Variants in LDB3 observed in about 807,000 individuals in gnomAD.
LDB3 encodes the protein LIM domain binding 3.
LDB3 carries 49 observed loss-of-function variants against 69.0 expected under a neutral mutation model. That is an observed-to-expected ratio of 0.71 (90% confidence interval 0.56 to 0.90). The LOEUF is 0.90. LDB3 is among the 40% of genes least tolerant of loss of function. The pLI is 0.00. For missense variants in LDB3, 928 were observed against 974.1 expected (o/e 0.95, Z 0.63); for synonymous variants, 387 against 396.2 (o/e 0.98, Z 0.28).
intron 11 of LDB3, 79 bp downstream of exon 11, chr10:86,718,223 A>G: frequency 7.2e-7 from 1 of 1,394,590 alleles, no homozygotes; most frequent in Non-Finnish European, 1.0e-6. Flanking sequence ...CCCATTAGGA[A>G]GCCAAGAAGT....
intron 8 of LDB3, among the ~76,000 whole-genome samples, chr10:86,707,633 C>T (rs1412041864): frequency 1.3e-5 from 2 of 152,200 alleles, no homozygotes; most frequent in Non-Finnish European, 2.9e-5. Flanking sequence ...CCAGGCCTCC[C>T]ACCCTGGCCC....
At chr10:86,717,145 T>C (rs6586027) in intron 10 of LDB3, among the ~76,000 whole-genome samples, 48,772 of 151,930 alleles carry the variant, frequency 0.32, 9,202 homozygotes, top group East Asian at 0.66. Flanking sequence ...TTTAGGGTTG[T>C]TTCTGGGTCT....
chr10:86,695,804 G>A (rs1845970075), intron 7 of LDB3, among the ~76,000 whole-genome samples: 1 of 152,228 alleles, frequency 6.6e-6, no homozygotes, highest in African/African-American at 2.4e-5. Context: ...GGGGATAGGG[G>A]TGGGGACAAG....
intron 12 of LDB3, among the ~76,000 whole-genome samples, chr10:86,725,921 C>T (rs1049370300): frequency 2.4e-4 from 36 of 152,174 alleles, no homozygotes; most frequent in African/African-American, 8.2e-4. Flanking sequence ...CAAACCAGCA[C>T]AAGATGGTGT....
Position 86,732,420 on chromosome 10 carries a change from A to C in LDB3, c.2095-467A>C. The C allele has an allele frequency of 1.6e-5, 7 of 442,226 alleles. 1 individual carries two copies. Among genetic ancestry groups the C allele is most frequent in the South Asian group, 1.2e-4 (7 of 60,776 alleles). 27.4% of individuals were successfully genotyped at this position (442,226 alleles called of 1,614,324 possible). A position where few individuals can be genotyped will look rare whatever the true frequency, so the allele number is the denominator to read the frequency against. ...AGTTTTTATATAGTCCAACTCATGTACTCTGCTTCCGTCATTAAGAATTCA... is the reference window on the plus strand; with the variant it reads ...AGTTTTTATATAGTCCAACTCATGTCCTCTGCTTCCGTCATTAAGAATTCA... On this transcript the variant is annotated intron_variant, in intron 13 of 13. Coordinates refer to ENST00000361373, the MANE Select transcript of LDB3 (RefSeq NM_007078.3).
chr10:86,720,609 T>C (rs1252630831), intron 12 of LDB3, among the ~76,000 whole-genome samples: 1 of 152,198 alleles, frequency 6.6e-6, no homozygotes, highest in East Asian at 1.9e-4. Flanking sequence ...TCCTTTCTCA[T>C]GAGCATATGA....
chr10:86,670,682 T>C (rs1001476571), intron 2 of LDB3, among the ~76,000 whole-genome samples: 3 of 152,126 alleles, frequency 2.0e-5, no homozygotes, highest in Non-Finnish European at 4.4e-5. Flanking sequence ...TGCAGGGATG[T>C]GCTGGATCCA....
intron 12 of LDB3, among the ~76,000 whole-genome samples, chr10:86,724,642 A>AAAAT (rs1158898729): frequency 6.6e-6 from 1 of 151,524 alleles, no homozygotes; most frequent in African/African-American, 2.4e-5. Context: ...ATAAATAAAT[A>AAAAT]AAATAAATAG....
chr10:86,669,671 G>A (rs554533408), intron 2 of LDB3, among the ~76,000 whole-genome samples: 2 of 152,372 alleles, frequency 1.3e-5, no homozygotes, highest in Admixed American at 1.3e-4. Context: ...GGCACTGGTA[G>A]ACCCAGGGCT....
chr10:86,722,559 C>CAA (rs1847116082), intron 12 of LDB3, among the ~76,000 whole-genome samples: 1 of 55,270 alleles, frequency 1.8e-5, no homozygotes, highest in African/African-American at 6.4e-5. Context: ...CGTGCCTGGC[C>CAA]TTTTTTTTTT....
At chr10:86,691,413 C>T (rs995949927) in intron 5 of LDB3, among the ~76,000 whole-genome samples, 2 of 152,186 alleles carry the variant, frequency 1.3e-5, no homozygotes, top group Non-Finnish European at 2.9e-5. Flanking sequence ...GGCCCCCAGT[C>T]CTTTTCCAGG....
chr10:86,691,512 G>T (rs116117097), intron 5 of LDB3, among the ~76,000 whole-genome samples: 1 of 152,184 alleles, frequency 6.6e-6, no homozygotes, highest in Admixed American at 6.5e-5. Flanking sequence ...GTGTCCCCCA[G>T]TTGGCCTCTC....
chr10:86,696,129 G>A (rs1164111475), intron 7 of LDB3, among the ~76,000 whole-genome samples: 1 of 152,154 alleles, frequency 6.6e-6, no homozygotes, highest in Admixed American at 6.5e-5. Flanking sequence ...TAAGATGCCA[G>A]GGCTCACTGG....
chr10:86,695,321 C>G (rs1221239173), intron 7 of LDB3, among the ~76,000 whole-genome samples: 1 of 152,246 alleles, frequency 6.6e-6, no homozygotes, highest in African/African-American at 2.4e-5. Flanking sequence ...AGGTCCACCC[C>G]CAGAGTCCCA....
chr10:86,681,571 T>C lies in LDB3; in HGVS notation c.457T>C (p.Ser153Pro). 6.2e-7 allele frequency: 1 copy of C among 1,612,888 alleles called. No homozygotes were observed. ...TGCCTTCTCCCGGCCCTCCGCCTTCTCCTCACTCGCCGAGGCCTCTGACCC... is the reference window on the plus strand; with the variant it reads ...TGCCTTCTCCCGGCCCTCCGCCTTCCCCTCACTCGCCGAGGCCTCTGACCC... Reference protein sequence around the residue: ...SPAFSRPSAFSSLAEASDPGP... With the variant: ...SPAFSRPSAFPSLAEASDPGP... The change falls in exon 5 of 14, where the codon TCC (serine) becomes CCC (proline). Residue 153 changes from serine to proline, a missense_variant. Transcript: ENST00000361373.
At chr10:86,704,445 C>T (rs1453538824) in intron 7 of LDB3, among the ~76,000 whole-genome samples, 2 of 151,238 alleles carry the variant, frequency 1.3e-5, no homozygotes, top group East Asian at 2.0e-4. Flanking sequence ...GATGGAATTT[C>T]GCTCTTGTTG....
chr10:86,676,011 C>T (rs1312963144), intron 2 of LDB3, among the ~76,000 whole-genome samples: 1 of 152,234 alleles, frequency 6.6e-6, no homozygotes, highest in South Asian at 2.1e-4. Context: ...CACCTCTACA[C>T]TCAAGGCAGC....
rs1377307590 is a variant in LDB3 at position 86,688,061 on chromosome 10, G to GTA, written c.690-3834_690-3833insAT. Among the ~76,000 whole-genome samples the GTA allele has an allele frequency of 1.5e-4, 21 of 140,254 alleles. 1 individual carries two copies. Among genetic ancestry groups the GTA allele is most frequent in the African/African-American group, 6.0e-4 (21 of 35,214 alleles). The allele number at this position is 140,254 out of a possible 152,430, so 92.0% of individuals were successfully genotyped here. A position where few individuals can be genotyped will look rare whatever the true frequency, so the allele number is the denominator to read the frequency against. On this transcript the variant is annotated intron_variant, in intron 5 of 13. Transcript: ENST00000361373. ...CCTCCCCCGACCCTCGTGTGTGTGT[G>GTA]TGTGTGTGTGTGTGTGTGTGTGTAT...
chr10:86,671,964 T>C (rs1844506084), intron 2 of LDB3, among the ~76,000 whole-genome samples: 1 of 151,994 alleles, frequency 6.6e-6, no homozygotes, highest in Admixed American at 6.6e-5. Flanking sequence ...ATACAAAAAT[T>C]AGCCAGGTGT....
Sources: allele counts gnomAD v4.1 joint callset (sites outside exome capture counted in the v4.1 genomes callset), GRCh38; gene constraint gnomAD v4.1.1; transcripts MANE v1.5; gene names NCBI Gene and HGNC (gene_info 2026-07-23, HGNC 2026-07-21).